The following KIAA0825 variants were observed in gnomAD, a reference collection of about 807,000 sequenced individuals.
The protein encoded by KIAA0825 is KIAA0825.
In KIAA0825, 119 loss-of-function variants were observed where a neutral mutation model predicts 147.6. That is an observed-to-expected ratio of 0.81 (90% CI 0.69 to 0.94). KIAA0825 has a LOEUF of 0.94. Ranked by LOEUF, KIAA0825 falls within the 40% of genes least tolerant of loss-of-function variation. KIAA0825 has a pLI of 0.00. For synonymous variants in KIAA0825, 470 were observed against 518.1 expected (o/e 0.91, Z 1.26); for missense variants, 1,381 against 1,472.7 (o/e 0.94, Z 1.02).
At chr5:94,480,319 CA>C (rs1246487889) in intron 6 of KIAA0825, among the ~76,000 whole-genome samples, 10 of 152,018 alleles carry the variant, frequency 6.6e-5, no homozygotes, top group African/African-American at 2.4e-4. Context: ...CATAGTATGA[CA>C]AGGTTTTGAG....
chr5:94,395,823 G>C (rs897109473), intron 17 of KIAA0825, among the ~76,000 whole-genome samples: 1 of 151,970 alleles, frequency 6.6e-6, no homozygotes, highest in African/African-American at 2.4e-5. Flanking sequence ...AAATTCTCCT[G>C]GGTTTAACTA....
chr5:94,355,972 C>T (rs774201623), intron 20 of KIAA0825, among the ~76,000 whole-genome samples: 7 of 152,264 alleles, frequency 4.6e-5, no homozygotes, highest in Middle Eastern at 3.4e-3. Flanking sequence ...CCTTAATATG[C>T]ACATGAATCA....
chr5:94,202,557 G>A (rs1771794714), intron 20 of KIAA0825, among the ~76,000 whole-genome samples: 2 of 152,176 alleles, frequency 1.3e-5, no homozygotes, highest in African/African-American at 4.8e-5. Context: ...GACTGTACAG[G>A]TTTCTGCACC....
At chr5:94,192,785 CCT>C (rs1012641909) in intron 20 of KIAA0825, among the ~76,000 whole-genome samples, 1 of 152,120 alleles carries the variant, frequency 6.6e-6, no homozygotes, top group Non-Finnish European at 1.5e-5. Context: ...ATTTCCTTCC[CCT>C]CAGGTACACT....
intron 20 of KIAA0825, among the ~76,000 whole-genome samples, chr5:94,175,579 C>A (rs930782267): frequency 6.6e-6 from 1 of 152,140 alleles, no homozygotes; most frequent in Admixed American, 6.6e-5. Context: ...ACCTACACAG[C>A]CTTACAGCAT....
In KIAA0825 at chr5:94,525,539, C is replaced by A. The variant is rs1002854772; in HGVS notation, c.132-1441G>T. The stretch of plus-strand genomic sequence containing the variant: ...GCCATATTCAGGAATACCACTTCTA[C>A]GTCTGACAAGAGATTGGCTTGTATT... On this transcript the variant is annotated intron_variant, in intron 3 of 20. Coordinates refer to ENST00000682413, the MANE Select transcript of KIAA0825 (RefSeq NM_001145678.3). Among the ~76,000 whole-genome samples, 4 of 151,946 alleles carry A rather than the reference C, an allele frequency of 2.6e-5. No individual in the cohort carries two copies. The East Asian group carries it at 7.7e-4, about 29-fold the overall frequency.
rs1213675004 is a variant in KIAA0825, at chr5:94,618,586, A to G, written c.-239T>C. On this transcript the variant is annotated 5_prime_UTR_variant, in exon 1 of 21. Coordinates refer to ENST00000682413, the MANE Select transcript of KIAA0825 (RefSeq NM_001145678.3). The stretch of plus-strand genomic sequence containing the variant: ...TGCACCAGGTATTACCACCCTGGCG[A>G]CGGCTCCGGAGCGTCACTGACAACC... The G allele has an allele frequency of 1.9e-5, 3 of 154,308 alleles. No homozygotes were observed. Among genetic ancestry groups the G allele is most frequent in the Non-Finnish European group, 2.9e-5 (2 of 68,222 alleles). The allele number at this position is 154,308 out of a possible 1,614,324, so 9.6% of individuals were successfully genotyped here. A position where few individuals can be genotyped will look rare whatever the true frequency, so the allele number is the denominator to read the frequency against.
At chr5:94,183,661 A>C (rs1769869216) in intron 20 of KIAA0825, among the ~76,000 whole-genome samples, 1 of 152,150 alleles carries the variant, frequency 6.6e-6, no homozygotes, top group Non-Finnish European at 1.5e-5. Context: ...AAACCTCTAT[A>C]AAAATCCTAA....
At chr5:94,509,391 A>G (rs1429484195) in intron 5 of KIAA0825, among the ~76,000 whole-genome samples, 8 of 152,186 alleles carry the variant, frequency 5.3e-5, no homozygotes, top group Non-Finnish European at 1.2e-4. Flanking sequence ...GTTGTTAGTT[A>G]TGGTCATAAA....
At chr5:94,461,982 C>A (rs1759895617) in intron 12 of KIAA0825, among the ~76,000 whole-genome samples, 2 of 151,854 alleles carry the variant, frequency 1.3e-5, no homozygotes, top group Admixed American at 6.6e-5. Context: ...ATTATTATTT[C>A]TATTTCCATT....
At chr5:94,259,336 T>C (rs1309816067) in intron 20 of KIAA0825, among the ~76,000 whole-genome samples, 3 of 152,074 alleles carry the variant, frequency 2.0e-5, no homozygotes, top group South Asian at 2.1e-4. Context: ...ATTCACACTT[T>C]CAGTGAATTG....
chr5:94,288,393 G>C (rs1777746431), intron 20 of KIAA0825, among the ~76,000 whole-genome samples: 1 of 152,092 alleles, frequency 6.6e-6, no homozygotes, highest in Admixed American at 6.5e-5. Context: ...ATAAATATTT[G>C]ATCAAGTTCA....
Position 94,255,798 on chromosome 5 carries a change from G to T in KIAA0825, c.3711-101674C>A, listed in dbSNP as rs1776224121. On this transcript the variant is annotated intron_variant, in intron 20 of 20. Transcript: ENST00000682413. Reference sequence around the variant, plus strand: ...CAATGGCATGATCACATGGAGCCTTGACCTCCCCGGGCTCAGGTGATCCTC... The same window carrying T: ...CAATGGCATGATCACATGGAGCCTTTACCTCCCCGGGCTCAGGTGATCCTC... Among the ~76,000 whole-genome samples, 3 of 126,196 alleles carry T rather than the reference G, an allele frequency of 2.4e-5. No homozygotes were observed. The South Asian group carries it at 7.9e-4, about 33-fold the overall frequency. 82.8% of individuals were successfully genotyped at this position (126,196 alleles called of 152,430 possible). A position where few individuals can be genotyped will look rare whatever the true frequency, so the allele number is the denominator to read the frequency against.
chr5:94,546,613 G>A (rs554319634), intron 2 of KIAA0825, among the ~76,000 whole-genome samples: 1 of 151,930 alleles, frequency 6.6e-6, no homozygotes, highest in East Asian at 1.9e-4. Flanking sequence ...GAATTCTCCT[G>A]GATCATATCA....
intron 16 of KIAA0825, among the ~76,000 whole-genome samples, chr5:94,397,119 T>C (rs762832366): frequency 1.3e-5 from 2 of 152,144 alleles, no homozygotes; most frequent in Non-Finnish European, 2.9e-5. Flanking sequence ...ATTATGTCCT[T>C]TTCCTGCACA....
intron 2 of KIAA0825, among the ~76,000 whole-genome samples, chr5:94,547,520 C>G (rs1319849720): frequency 2.6e-5 from 4 of 151,900 alleles, no homozygotes; most frequent in Non-Finnish European, 5.9e-5. Context: ...GGTGGATTGC[C>G]AGGTCAGGGG....
chr5:94,484,715 G>C, intron 6 of KIAA0825, 54 bp downstream of exon 6: 1 of 1,234,910 alleles, frequency 8.1e-7, no homozygotes, highest in Non-Finnish European at 1.1e-6. Flanking sequence ...GCAGCAGGAA[G>C]CAAAAACACA....
intron 1 of KIAA0825, among the ~76,000 whole-genome samples, chr5:94,603,183 A>C (rs1456448016): frequency 2.0e-5 from 3 of 152,104 alleles, no homozygotes; most frequent in Admixed American, 2.0e-4. Flanking sequence ...CATGAGAGAA[A>C]AGTCACTTAT....
At chr5:94,271,754 AAAAC>A (rs1475025928) in intron 20 of KIAA0825, among the ~76,000 whole-genome samples, 4 of 152,148 alleles carry the variant, frequency 2.6e-5, no homozygotes, top group Non-Finnish European at 5.9e-5. Context: ...CTCAAAAACA[AAAAC>A]AAACAAAAAA....
Sources: gnomAD v4.1 joint callset for allele counts (sites outside exome capture counted in the v4.1 genomes callset) on GRCh38, gnomAD v4.1.1 for gene constraint, MANE v1.5 for transcripts, NCBI Gene and HGNC (gene_info 2026-07-23, HGNC 2026-07-21) for gene names.